AOAH: variants seen among roughly 807,000 people sequenced by gnomAD.
AOAH encodes the protein acyloxyacyl hydrolase, also known as acyloxyacyl hydrolase (neutrophil).
AOAH carries 64 observed loss-of-function variants against 92.2 expected under a neutral mutation model. That is an observed-to-expected ratio of 0.69 (90% CI 0.57 to 0.86). The LOEUF (loss-of-function observed/expected upper bound fraction) is 0.86. AOAH is among the 40% of genes least tolerant of loss of function. The pLI is 0.00. For missense variants in AOAH, 656 were observed against 694.6 expected (o/e 0.94, Z 0.62); for synonymous variants, 263 against 254.5 (o/e 1.03, Z -0.32).
intron 1 of AOAH, among the ~76,000 whole-genome samples, chr7:36,701,049 G>T (rs1798001293): frequency 6.6e-6 from 1 of 151,886 alleles, no homozygotes; most frequent in Admixed American, 6.6e-5. Flanking sequence ...CTATTTTGTT[G>T]AATTGTCAGA....
At chr7:36,684,906 CAAAAAAAAAAAAAAAAAAA>C (rs57827044) in intron 2 of AOAH, among the ~76,000 whole-genome samples, 1 of 59,988 alleles carries the variant, frequency 1.7e-5, no homozygotes, top group Non-Finnish European at 2.9e-5. Flanking sequence ...GACCTTGTCT[CAAAAAAAAAAAAAAAAAAA>C]AAAAAAAAAA....
At chr7:36,534,162 T>C (rs1784868577) in intron 16 of AOAH, among the ~76,000 whole-genome samples, 1 of 152,068 alleles carries the variant, frequency 6.6e-6, no homozygotes, top group African/African-American at 2.4e-5. Flanking sequence ...GGGAACTTCA[T>C]TGTTGGCTCC....
At chr7:36,592,689 C>G in intron 12 of AOAH, among the ~76,000 whole-genome samples, 1 of 152,318 alleles carries the variant, frequency 6.6e-6, no homozygotes, top group South Asian at 2.1e-4. Flanking sequence ...GCCCTTGGAT[C>G]TCTCAACTGC....
At chr7:36,553,785 T>C (rs563669036) in intron 13 of AOAH, among the ~76,000 whole-genome samples, 26 of 152,334 alleles carry the variant, frequency 1.7e-4, no homozygotes, top group Admixed American at 9.1e-4. Flanking sequence ...GTGTCTTCTT[T>C]TGAGAAGTGT....
chr7:36,665,098 C>T (rs1204173892), intron 3 of AOAH, among the ~76,000 whole-genome samples: 1 of 152,208 alleles, frequency 6.6e-6, no homozygotes, highest in East Asian at 1.9e-4. Context: ...AGGGGACAAA[C>T]ATCCAAACAA....
intron 15 of AOAH, among the ~76,000 whole-genome samples, chr7:36,542,184 A>G (rs1785467856): frequency 6.6e-6 from 1 of 152,190 alleles, no homozygotes; most frequent in African/African-American, 2.4e-5. Context: ...TGAAGACAGA[A>G]GCAGACACTG....
At chr7:36,670,071 T>TG (rs1469918723) in intron 3 of AOAH, among the ~76,000 whole-genome samples, 2 of 151,980 alleles carry the variant, frequency 1.3e-5, no homozygotes, top group Admixed American at 6.5e-5. Flanking sequence ...TTTTTGTTTT[T>TG]TTTTTTTAAC....
chr7:36,680,706 A>T (rs1796592861), intron 2 of AOAH, among the ~76,000 whole-genome samples: 1 of 152,216 alleles, frequency 6.6e-6, no homozygotes, highest in Non-Finnish European at 1.5e-5. Flanking sequence ...CTTTAACCTG[A>T]ACTGAGTGTT....
At position 36,516,113 on chromosome 7, in the gene AOAH, C is replaced by T. The variant is rs1783682362; in HGVS notation, c.1600-2733G>A. ...CCATACACACACCACACAGATACAT[C>T]ACACACACACCACACACAGATACAC... On this transcript the variant is annotated intron_variant, in intron 20 of 20. Coordinates refer to ENST00000617537, the MANE Select transcript of AOAH (RefSeq NM_001637.4). This position sits in a 1 kb window ranked among gnomAD's most constrained non-coding sequence, Gnocchi z 5.0. 6.7e-6 allele frequency among the ~76,000 whole-genome samples: 1 copy of T among 148,282 alleles called. No individual in the cohort carries two copies. The highest frequency in any genetic ancestry group is 1.5e-5 in the Non-Finnish European group (1 of 66,646).
At chr7:36,570,541 G>T (rs1299854647) in intron 13 of AOAH, among the ~76,000 whole-genome samples, 3 of 152,130 alleles carry the variant, frequency 2.0e-5, no homozygotes, top group African/African-American at 4.8e-5. Context: ...TGGATCATCT[G>T]GTAGTTTAAT....
intron 6 of AOAH, among the ~76,000 whole-genome samples, chr7:36,625,184 C>A (rs1172000301): frequency 1.3e-5 from 2 of 152,056 alleles, no homozygotes; most frequent in Admixed American, 1.3e-4. Context: ...AGGCTGGATC[C>A]CTGAAAGGAC....
intron 1 of AOAH, among the ~76,000 whole-genome samples, chr7:36,692,793 G>A (rs1797486711): frequency 6.6e-6 from 1 of 152,152 alleles, no homozygotes; most frequent in African/African-American, 2.4e-5. Context: ...GTCACAGACA[G>A]GTGGGGCAAA....
chr7:36,548,806 G>T, intron 14 of AOAH, 120 bp from the exon 15 acceptor site: 1 of 754,674 alleles, frequency 1.3e-6, no homozygotes, highest in South Asian at 1.6e-5. Context: ...GCAACTTTTT[G>T]CTATTTTTCT....
chr7:36,552,464 T>C (rs1278084073), intron 13 of AOAH, among the ~76,000 whole-genome samples: 4 of 152,354 alleles, frequency 2.6e-5, no homozygotes, highest in East Asian at 1.9e-4. Flanking sequence ...GCAATGAACA[T>C]ACACATGCAT....
At chr7:36,540,607 G>GTGTGT in intron 15 of AOAH, 116 bp from the exon 16 acceptor site, 3 of 949,438 alleles carry the variant, frequency 3.2e-6, no homozygotes, top group Non-Finnish European at 3.1e-6. Flanking sequence ...CACACAGTGT[G>GTGTGT]GTGGTCATTG....
chr7:36,544,950 T>C (rs543337170), intron 15 of AOAH, among the ~76,000 whole-genome samples: 5 of 152,352 alleles, frequency 3.3e-5, no homozygotes, highest in Middle Eastern at 6.8e-3. Context: ...CTAGCATTTG[T>C]GTTTTTGAAA....
At chr7:36,634,301 G>T (rs530975556) in intron 5 of AOAH, among the ~76,000 whole-genome samples, 104 of 152,254 alleles carry the variant, frequency 6.8e-4, no homozygotes, top group Non-Finnish European at 1.3e-3. Flanking sequence ...CCTGGGCCTG[G>T]TAGTTAAAGA....
At chr7:36,589,766 C>A (rs1789615694) in intron 12 of AOAH, among the ~76,000 whole-genome samples, 1 of 152,158 alleles carries the variant, frequency 6.6e-6, no homozygotes, top group Non-Finnish European at 1.5e-5. Flanking sequence ...TTAAATGATG[C>A]TTTCAAATGA....
chr7:36,662,665 C>A (rs11972887), intron 3 of AOAH, among the ~76,000 whole-genome samples: 2 of 151,898 alleles, frequency 1.3e-5, no homozygotes, highest in Non-Finnish European at 2.9e-5. Context: ...TGTGGCAATC[C>A]AGGACAAGCA....
Sources: allele counts gnomAD v4.1 joint callset (sites outside exome capture counted in the v4.1 genomes callset), GRCh38; gene constraint gnomAD v4.1.1; non-coding constraint Gnocchi (gnomAD v3.1); transcripts MANE v1.5; gene names NCBI Gene and HGNC (gene_info 2026-07-23, HGNC 2026-07-21).